PRKCA: variants seen among roughly 807,000 people sequenced by gnomAD.
PRKCA encodes protein kinase C alpha type.
A neutral mutation model predicts 87.0 loss-of-function variants in PRKCA; 27 were observed. That is an observed-to-expected ratio of 0.31 (90% CI 0.23 to 0.43). The LOEUF (loss-of-function observed/expected upper bound fraction) is 0.43. PRKCA is among the 20% of genes least tolerant of loss of function. PRKCA has a pLI of 1.00. For synonymous variants in PRKCA, 329 were observed against 311.1 expected (o/e 1.06, Z -0.61); for missense variants, 518 against 852.3 (o/e 0.61, Z 4.88).
chr17:66,581,366 C>T (rs1014937214), intron 3 of PRKCA, among the ~76,000 whole-genome samples: 20 of 152,348 alleles, frequency 1.3e-4, no homozygotes, highest in African/African-American at 4.6e-4. Context: ...TGTGGACATT[C>T]AAATAGGAAG....
At chr17:66,789,075 C>G (rs181938796) in intron 16 of PRKCA, 96 bp downstream of exon 16, 2 of 1,036,770 alleles carry the variant, frequency 1.9e-6, no homozygotes. Flanking sequence ...GAGGCCGGTG[C>G]CCCTGGCTTG....
intron 3 of PRKCA, among the ~76,000 whole-genome samples, chr17:66,614,000 AG>A (rs1463176528): frequency 6.6e-6 from 1 of 151,976 alleles, no homozygotes; most frequent in Admixed American, 6.6e-5. Flanking sequence ...CAAGATGGCC[AG>A]GCTTGTCTTG....
intron 10 of PRKCA, among the ~76,000 whole-genome samples, chr17:66,736,363 C>T (rs1974026353): frequency 6.6e-6 from 1 of 151,944 alleles, no homozygotes; most frequent in Non-Finnish European, 1.5e-5. Context: ...ATGCAACCTC[C>T]ACCTCCCAGG....
chr17:66,714,699 G>A (rs892253360), intron 8 of PRKCA, among the ~76,000 whole-genome samples: 2 of 152,196 alleles, frequency 1.3e-5, no homozygotes, highest in Admixed American at 1.3e-4. Context: ...GGACGAGAAA[G>A]GGAGTGTTGA....
chr17:66,697,797 AC>A (rs990162899), intron 8 of PRKCA, among the ~76,000 whole-genome samples: 54 of 137,220 alleles, frequency 3.9e-4, no homozygotes, highest in African/African-American at 1.5e-3. Context: ...TACACCCCCC[AC>A]CCCCAGACTG....
intron 2 of PRKCA, among the ~76,000 whole-genome samples, chr17:66,389,946 G>A (rs4791062): frequency 0.79 from 120,581 of 152,266 alleles, 48,236 homozygotes; most frequent in South Asian, 0.87. Flanking sequence ...TGAAGAGGCC[G>A]GGCGCAGTGG....
At chr17:66,719,871 AACAAGAGGC>A (rs1181275953) in intron 8 of PRKCA, among the ~76,000 whole-genome samples, 18 of 152,262 alleles carry the variant, frequency 1.2e-4, no homozygotes, top group African/African-American at 4.1e-4. Context: ...ATACTTTTAC[AACAAGAGGC>A]AGCCTTGCTG....
At chr17:66,503,895 C>T (rs537353192) in intron 3 of PRKCA, among the ~76,000 whole-genome samples, 1 of 152,256 alleles carries the variant, frequency 6.6e-6, no homozygotes, top group South Asian at 2.1e-4. Flanking sequence ...ATTTTGTGAG[C>T]AAAGCCAGTT....
intron 2 of PRKCA, among the ~76,000 whole-genome samples, chr17:66,453,375 T>A (rs1914422384): frequency 6.6e-6 from 1 of 151,982 alleles, no homozygotes; most frequent in African/African-American, 2.4e-5. Flanking sequence ...TGGAGCGCAG[T>A]GGCTTGATCT....
chr17:66,366,245 G>GA lies in PRKCA; in HGVS notation c.205+60126dup, dbSNP rs538465008. On this transcript the variant is annotated intron_variant, in intron 2 of 16. Coordinates refer to ENST00000413366, the MANE Select transcript of PRKCA (RefSeq NM_002737.3). ...ATGATGCAATTTACAGTACTTAAAGGAAAAAAAATCCAGAAGCCTTACAAG... is the reference window on the plus strand; with the variant it reads ...ATGATGCAATTTACAGTACTTAAAGGAAAAAAAAATCCAGAAGCCTTACAAG... Among the ~76,000 whole-genome samples the GA allele has an allele frequency of 3.2e-3, 473 of 148,414 alleles. 2 individuals are homozygous for GA. The highest frequency in any genetic ancestry group is 0.012 in the African/African-American group (455 of 38,152).
chr17:66,716,847 C>G lies in PRKCA; in HGVS notation c.919-15841C>G, dbSNP rs199963447. Among the ~76,000 whole-genome samples, 3 of 152,330 alleles carry G rather than the reference C, an allele frequency of 2.0e-5. No individual in the cohort carries two copies. In the East Asian group the frequency reaches 5.8e-4, roughly 29 times the overall value. On this transcript the variant is annotated intron_variant, in intron 8 of 16. Coordinates refer to ENST00000413366, the MANE Select transcript of PRKCA (RefSeq NM_002737.3). ...GTTGCCATGACAACGGAGGCCCTCT[C>G]GCTGCCTGTGAATTTATTTTAACCG...
chr17:66,671,084 G>A lies in PRKCA; in HGVS notation c.530-16027G>A, dbSNP rs568091488. Among the ~76,000 whole-genome samples the A allele has an allele frequency of 6.3e-4, 96 of 151,294 alleles. 1 individual carries two copies. Among genetic ancestry groups the A allele is most frequent in the African/African-American group, 2.1e-3 (88 of 41,250 alleles). ...AAATTAGCCTGGTGTGGTGGTGTGC[G>A]CCTGTAATCCCAGCTACTTGGGAGG... On this transcript the variant is annotated intron_variant, in intron 5 of 16. Transcript: ENST00000413366.
At chr17:66,566,262 G>A (rs1269535867) in intron 3 of PRKCA, among the ~76,000 whole-genome samples, 1 of 152,152 alleles carries the variant, frequency 6.6e-6, no homozygotes, top group Non-Finnish European at 1.5e-5. Context: ...GGGCAGATGG[G>A]CTCTGTTGCC....
At chr17:66,426,423 G>T (rs2143813829) in intron 2 of PRKCA, among the ~76,000 whole-genome samples, 1 of 152,324 alleles carries the variant, frequency 6.6e-6, no homozygotes, top group South Asian at 2.1e-4. Flanking sequence ...GATTATACAG[G>T]AGCAAGATTT....
At chr17:66,701,421 C>T (rs1973061377) in intron 8 of PRKCA, among the ~76,000 whole-genome samples, 1 of 152,056 alleles carries the variant, frequency 6.6e-6, no homozygotes, top group Non-Finnish European at 1.5e-5. Flanking sequence ...ACACCAAAAG[C>T]ACTGGCAACA....
intron 13 of PRKCA, among the ~76,000 whole-genome samples, chr17:66,757,600 A>T (rs1013313400): frequency 4.6e-5 from 7 of 151,396 alleles, no homozygotes; most frequent in Non-Finnish European, 7.4e-5. Flanking sequence ...ACGAACCTAG[A>T]ATTGTGTACC....
chr17:66,520,305 G>C (rs765346146), intron 3 of PRKCA, among the ~76,000 whole-genome samples: 3 of 151,948 alleles, frequency 2.0e-5, no homozygotes, highest in Non-Finnish European at 4.4e-5. Context: ...ACTTTTAGTA[G>C]AGATGAGGTT....
intron 10 of PRKCA, 151 bp downstream of exon 10, chr17:66,735,813 C>G: frequency 1.2e-6 from 1 of 807,184 alleles, no homozygotes; most frequent in Non-Finnish European, 1.9e-6. Flanking sequence ...CACCTCCCAC[C>G]TCTCTCACTG....
intron 2 of PRKCA, among the ~76,000 whole-genome samples, chr17:66,429,239 G>C (rs955446177): frequency 6.6e-6 from 1 of 152,098 alleles, no homozygotes; most frequent in African/African-American, 2.4e-5. Context: ...TTGTGTTAAG[G>C]CTGCTTCAGT....
Sources: gnomAD v4.1 joint callset for allele counts (sites outside exome capture counted in the v4.1 genomes callset) on GRCh38, gnomAD v4.1.1 for gene constraint, MANE v1.5 for transcripts, NCBI Gene and HGNC (gene_info 2026-07-23, HGNC 2026-07-21) for gene names.